UGT2A1: variants seen among roughly 807,000 people sequenced by gnomAD.
UGT2A1 encodes the protein UDP glucuronosyltransferase family 2 member A1 complex locus, also known as UDP-glucuronosyltransferase 2A1.
UGT2A1 carries 61 observed loss-of-function variants against 45.4 expected under a neutral mutation model. The ratio of observed to expected loss-of-function variants is 1.34; its 90% CI spans 1.09 to 1.66. The LOEUF (loss-of-function observed/expected upper bound fraction) is 1.66, where lower values mean the gene tolerates loss of function less well. Ranked by LOEUF, UGT2A1 falls within the 40% of genes most tolerant of loss-of-function variation. UGT2A1 has a pLI of 0.00. For synonymous variants in UGT2A1, 229 were observed against 196.2 expected (o/e 1.17, Z -1.40); for missense variants, 649 against 574.3 (o/e 1.13, Z -1.33).
At chr4:69,639,205 C>T (rs1174980964) in intron 2 of UGT2A1, 4 of 1,613,622 alleles carry the variant, frequency 2.5e-6, no homozygotes, top group Non-Finnish European at 3.4e-6. Context: ...TGAAGTCTTG[C>T]CATCAACTTT....
intron 2 of UGT2A1, among the ~76,000 whole-genome samples, chr4:69,646,616 T>A (rs916285793): frequency 4.4e-4 from 67 of 151,748 alleles, no homozygotes; most frequent in Non-Finnish European, 1.3e-4. Flanking sequence ...TCACTGCAGT[T>A]TCTAGGCAAT....
rs1179336147 is a variant in UGT2A1, at chr4:69,605,369, C to G, written c.848-5975G>C. On this transcript the variant is annotated intron_variant, in intron 3 of 6. Coordinates refer to ENST00000286604, the MANE Select transcript of UGT2A1 (RefSeq NM_001252275.3). ...GCAGAAATAAAGATGTTCTTTGAAA[C>G]TAACGACAACAAAGACACAACATAC... is the stretch of plus-strand genomic sequence containing the variant. Among the ~76,000 whole-genome samples the G allele has an allele frequency of 1.2e-4, 16 of 136,948 alleles. 4 individuals are homozygous for G. In the South Asian group the frequency reaches 3.1e-3, roughly 26 times the overall value. 89.8% of individuals were successfully genotyped at this position (136,948 alleles called of 152,430 possible).
intron 3 of UGT2A1, among the ~76,000 whole-genome samples, chr4:69,619,963 T>C (rs1442321975): frequency 6.6e-6 from 1 of 151,914 alleles, no homozygotes; most frequent in Non-Finnish European, 1.5e-5. Context: ...CTCAATAAAC[T>C]AAGCATTGAA....
chr4:69,624,268 A>G (rs754305181), intron 3 of UGT2A1, among the ~76,000 whole-genome samples: 10 of 151,442 alleles, frequency 6.6e-5, no homozygotes, highest in Admixed American at 1.3e-4. Flanking sequence ...TGAAGGTCTA[A>G]TTTATCTAAT....
intron 2 of UGT2A1, chr4:69,639,187 C>T: frequency 1.2e-6 from 2 of 1,613,672 alleles, no homozygotes; most frequent in Non-Finnish European, 1.7e-6. Flanking sequence ...ACATCAAAAC[C>T]ACCTTTCTGA....
chr4:69,639,127 A>G, intron 2 of UGT2A1: 1 of 1,613,612 alleles, frequency 6.2e-7, no homozygotes, highest in Non-Finnish European at 8.5e-7. Context: ...GGAATTCCTA[A>G]TTTCAGAGCA....
chr4:69,597,732 A>G (rs1003610151), intron 4 of UGT2A1, among the ~76,000 whole-genome samples: 3 of 152,042 alleles, frequency 2.0e-5, no homozygotes, highest in African/African-American at 7.2e-5. Flanking sequence ...ACACACACAC[A>G]CACAAACATA....
Position 69,605,847 on chromosome 4 carries a change from C to T in UGT2A1, c.848-6453G>A, listed in dbSNP as rs771796990. 1.5e-5 allele frequency among the ~76,000 whole-genome samples: 2 copies of T among 136,888 alleles called. 1 individual carries two copies. Among genetic ancestry groups the T allele is most frequent in the African/African-American group, 5.9e-5 (2 of 33,832 alleles). 89.8% of individuals were successfully genotyped at this position (136,888 alleles called of 152,430 possible). On this transcript the variant is annotated intron_variant, in intron 3 of 6. Coordinates refer to ENST00000286604, the MANE Select transcript of UGT2A1 (RefSeq NM_001252275.3). The stretch of plus-strand genomic sequence containing the variant: ...AAAGAAATGAATAAATTCCTTGACA[C>T]GTACACCCTCCCAAGACTAAATCAG...
Position 69,647,341 on chromosome 4 carries a change from A to G in UGT2A1, c.304T>C (p.Ser102Pro), listed in dbSNP as rs1261788416. The G allele has an allele frequency of 6.2e-7, 1 of 1,613,194 alleles. No homozygotes were observed. Among genetic ancestry groups the G allele is most frequent in the Admixed American group, 1.7e-5 (1 of 59,892 alleles). ...TCCTGATAGAATCTCCAAATGGTTG[A>G]AGGAGATGGTCTATTTTCCAGCCAT... ...LTWLENRPSP[S>P]TIWRFYQEMA... Residue 102 changes from serine to proline, a missense_variant, in exon 2 of 7, where the codon TCA becomes CCA. Transcript: ENST00000286604.
At chr4:69,636,453 A>G (rs1721714257) in intron 2 of UGT2A1, among the ~76,000 whole-genome samples, 1 of 152,182 alleles carries the variant, frequency 6.6e-6, no homozygotes, top group South Asian at 2.1e-4. Context: ...AATTATGTTC[A>G]GTAACATGAG....
In UGT2A1 at chr4:69,594,641, T is replaced by C. The variant is rs1178049375; in HGVS notation, c.1140A>G (p.Glu380=). 1.2e-6 allele frequency: 2 copies of C among 1,614,090 alleles called. No individual in the cohort carries two copies. The change falls in exon 6 of 7, where the codon GAA becomes GAG. Residue 380 remains glutamate, a synonymous_variant. Transcript: ENST00000286604. ...CCATAGGGACTCCGTGGTAAATAGC[T>C]TCGTAGATCCCATTAGTTCCACCAT... ...ITHGGTNGIY[E]AIYHGVPMVG...
intron 3 of UGT2A1, among the ~76,000 whole-genome samples, chr4:69,608,042 C>A (rs892015795): frequency 2.0e-5 from 3 of 152,120 alleles, no homozygotes; most frequent in African/African-American, 7.2e-5. Context: ...ATTAGAAATA[C>A]CATTTGATCC....
chr4:69,612,235 A>C (rs192714115), intron 3 of UGT2A1, among the ~76,000 whole-genome samples: 125 of 152,178 alleles, frequency 8.2e-4, no homozygotes, highest in Non-Finnish European at 1.3e-3. Context: ...GAATTATTTG[A>C]AATAGAATAT....
intron 3 of UGT2A1, among the ~76,000 whole-genome samples, chr4:69,601,642 G>A (rs1719301590): frequency 6.6e-6 from 1 of 152,066 alleles, no homozygotes. Context: ...TACTACCACA[G>A]CTGGCATTTG....
rs186724190 is a variant in UGT2A1, at chr4:69,610,762, T to C, written c.848-11368A>G. ...ATATAAGATGGTGGCCATAAAAACT[T>C]CAAGAAAAAACAGACCTGGCAAACC... is the stretch of plus-strand genomic sequence containing the variant. On this transcript the variant is annotated intron_variant, in intron 3 of 6. Coordinates refer to ENST00000286604, the MANE Select transcript of UGT2A1 (RefSeq NM_001252275.3). Among the ~76,000 whole-genome samples, 276 of 152,210 alleles carry C rather than the reference T, an allele frequency of 1.8e-3. 1 individual carries two copies. The highest frequency in any genetic ancestry group is 6.4e-3 in the African/African-American group (266 of 41,528).
At chr4:69,651,812 A>G (rs1368126133) in intron 1 of UGT2A1, among the ~76,000 whole-genome samples, 1 of 152,226 alleles carries the variant, frequency 6.6e-6, no homozygotes, top group Non-Finnish European at 1.5e-5. Context: ...AAGGGAAGAA[A>G]GCCTCAGATG....
In UGT2A1 at chr4:69,646,939, T is replaced by TA. The variant is rs1722286284; in HGVS notation, c.705dup (p.Lys236Ter). 3 of 1,579,794 alleles carry TA rather than the reference T, an allele frequency of 1.9e-6. No individual in the cohort carries two copies. The East Asian group carries it at 6.7e-5, about 35-fold the overall frequency. On this transcript the variant is annotated frameshift_variant, in exon 2 of 7. Transcript: ENST00000286604. LOFTEE classifies it high-confidence loss of function. ...AAAATTTGTTACATACCTAAAGCTT[T>TA]ACTATAGTATGAATCCCATGATTTC...
chr4:69,592,524 G>C (rs1835826), intron 6 of UGT2A1, among the ~76,000 whole-genome samples: 27,636 of 152,120 alleles, frequency 0.18, 2,850 homozygotes, highest in Non-Finnish European at 0.24. Flanking sequence ...GTGATAAGGA[G>C]ATAGGTGAGC....
At chr4:69,601,568 T>A (rs575381544) in intron 3 of UGT2A1, among the ~76,000 whole-genome samples, 2 of 152,236 alleles carry the variant, frequency 1.3e-5, no homozygotes, top group African/African-American at 2.4e-5. Context: ...ACCTCAGCTA[T>A]CACTATTACC....
Sources: allele counts gnomAD v4.1 joint callset (sites outside exome capture counted in the v4.1 genomes callset), GRCh38; gene constraint gnomAD v4.1.1; transcripts MANE v1.5; gene names NCBI Gene and HGNC (gene_info 2026-07-23, HGNC 2026-07-21).